Variants in COL6A3 observed in about 807,000 individuals in gnomAD.
COL6A3 encodes collagen type VI alpha 3 chain, also known as collagen alpha-3(VI) chain.
COL6A3 carries 137 observed loss-of-function variants against 274.1 expected under a neutral mutation model. That is an observed-to-expected ratio of 0.50 (90% confidence interval 0.44 to 0.58). COL6A3 has a LOEUF of 0.58. Among genes scored for constraint, COL6A3 ranks in the 20% least tolerant of loss-of-function variants. The pLI is 0.00. For synonymous variants in COL6A3, 1,650 were observed against 1,650.6 expected (o/e 1.00, Z 0.01); for missense variants, 3,950 against 4,124.9 (o/e 0.96, Z 1.16).
At chr2:237,359,947 G>A in intron 17 of COL6A3, 141 bp downstream of exon 17, 1 of 832,046 alleles carries the variant, frequency 1.2e-6, no homozygotes, top group Non-Finnish European at 2.0e-6. Flanking sequence ...GCTCAGAACT[G>A]CCTTCCAATG....
chr2:237,347,065 A>G lies in COL6A3; in HGVS notation c.7030-500T>C, dbSNP rs537402931. On this transcript the variant is annotated intron_variant, in intron 31 of 43. Transcript: ENST00000295550. The stretch of plus-strand genomic sequence containing the variant: ...AACCTTTACACAGATCTAGGCCACA[A>G]TTTGCTAATTGAAGACTCTGCCATT... 3.9e-5 allele frequency among the ~76,000 whole-genome samples: 6 copies of G among 152,158 alleles called. No homozygotes were observed. In the East Asian group the frequency reaches 1.2e-3, roughly 29 times the overall value.
intron 7 of COL6A3, 127 bp from the exon 8 acceptor site, chr2:237,375,147 T>C: frequency 7.2e-7 from 1 of 1,380,722 alleles, no homozygotes; most frequent in Non-Finnish European, 1.0e-6. Flanking sequence ...AGAAAAGGAC[T>C]TTGCAGATGT....
At chr2:237,337,877 A>AC (rs138526518) in intron 39 of COL6A3, among the ~76,000 whole-genome samples, 24,146 of 151,342 alleles carry the variant, frequency 0.16, 2,199 homozygotes, top group African/African-American at 0.25. Flanking sequence ...GCCCACTCCC[A>AC]CCCCTCCCGT....
chr2:237,331,042 C>G (rs1700201142), intron 42 of COL6A3, among the ~76,000 whole-genome samples: 1 of 151,976 alleles, frequency 6.6e-6, no homozygotes, highest in African/African-American at 2.4e-5. Context: ...AGAAAGGGAC[C>G]CATCTCTGTA....
Position 237,347,124 on chromosome 2 carries a change from A to T in COL6A3, c.7030-559T>A, listed in dbSNP as rs552876450. On this transcript the variant is annotated intron_variant, in intron 31 of 43. Coordinates refer to ENST00000295550, the MANE Select transcript of COL6A3 (RefSeq NM_004369.4). ...GTGAGTAAACATCCATTGAAGAATA[A>T]TCTGGCCAGGTGTGGTGTCTCATGC... 3.3e-5 allele frequency among the ~76,000 whole-genome samples: 5 copies of T among 152,186 alleles called. No individual in the cohort carries two copies. In the South Asian group the frequency reaches 1.0e-3, roughly 32 times the overall value.
At chr2:237,366,335 G>A (rs534926349) in intron 11 of COL6A3, among the ~76,000 whole-genome samples, 1 of 152,310 alleles carries the variant, frequency 6.6e-6, no homozygotes, top group East Asian at 1.9e-4. Flanking sequence ...CCAAGTTTGT[G>A]CTTTAAATTA....
At position 237,374,706 on chromosome 2, in the gene COL6A3, T is replaced by C. The variant is rs2077786299; in HGVS notation, c.3385A>G (p.Thr1129Ala). 1 of 1,613,368 alleles carries C rather than the reference T, an allele frequency of 6.2e-7. No homozygotes were observed. Among genetic ancestry groups the C allele is most frequent in the African/African-American group, 1.3e-5 (1 of 74,938 alleles). ...ILVSSAGSRI[T>A]EGVPQLLIVL... ...ATCAGCAGCTGGGGCACACCTTCTG[T>C]TATCCTGCTTCCCGCAGAGCTGACC... is the stretch of plus-strand genomic sequence containing the variant. The change falls in exon 8 of 44, where the codon ACA (threonine) becomes GCA (alanine). Residue 1129 changes from threonine to alanine, a missense_variant. This residue lies in a region of COL6A3 where 1,934 missense variants were observed against 1,984.3 expected (regional missense o/e 0.97). Transcript: ENST00000295550. The surrounding 1 kb of genome is among the most constrained non-coding windows in gnomAD (Gnocchi z 4.8).
At chr2:237,405,547 T>C (rs897870628) in intron 1 of COL6A3, among the ~76,000 whole-genome samples, 7 of 152,084 alleles carry the variant, frequency 4.6e-5, no homozygotes, top group Admixed American at 2.0e-4. Context: ...TAACGTTTCC[T>C]GGGCTTCTGT....
chr2:237,334,976 G>A (rs1448825132), intron 40 of COL6A3, 87 bp from the exon 41 acceptor site: 8 of 1,499,920 alleles, frequency 5.3e-6, no homozygotes, highest in African/African-American at 2.8e-5. Flanking sequence ...TGAAAGGGAT[G>A]TGTTAACAGA....
intron 9 of COL6A3, among the ~76,000 whole-genome samples, chr2:237,370,058 C>T (rs546078699): frequency 6.6e-6 from 1 of 151,526 alleles, no homozygotes; most frequent in Non-Finnish European, 1.5e-5. Flanking sequence ...ATGAGGGTCT[C>T]ACTGTGTTGC....
At chr2:237,328,400 AC>A (rs1281717314) in intron 42 of COL6A3, 1 of 152,184 alleles carries the variant, frequency 6.6e-6, no homozygotes, top group Non-Finnish European at 1.5e-5. Context: ...GGCGCAAGGC[AC>A]CCTAAGCCCC....
At chr2:237,377,907 G>A (rs1320022769) in intron 6 of COL6A3, among the ~76,000 whole-genome samples, 1 of 152,222 alleles carries the variant, frequency 6.6e-6, no homozygotes, top group African/African-American at 2.4e-5. Context: ...CCTTGTCAAT[G>A]CTTCCCAATC....
chr2:237,402,353 T>C (rs1416253850), intron 1 of COL6A3, among the ~76,000 whole-genome samples: 1 of 152,152 alleles, frequency 6.6e-6, no homozygotes, highest in Non-Finnish European at 1.5e-5. Context: ...CACTTAAATA[T>C]AGTCAAGATA....
rs776546169 is a variant in COL6A3 at position 237,334,652 on chromosome 2, G to A, written c.9203C>T (p.Ala3068Val). 6.2e-7 allele frequency: 1 copy of A among 1,613,568 alleles called. No individual in the cohort carries two copies. Among genetic ancestry groups the A allele is most frequent in the Non-Finnish European group, 8.5e-7 (1 of 1,180,012 alleles). ...TGTACTGAAACTTCCGTGGTAGGTG[G>A]CTCTGACCTGAGACCTCAGGTAGCA... Reference protein sequence around the residue: ...VVCYLRSQVRATYHGSFSTKK... With the variant: ...VVCYLRSQVRVTYHGSFSTKK... The change falls in exon 41 of 44, where the codon GCC becomes GTC. Residue 3068 changes from alanine (A) to valine (V), a missense_variant. By Grantham distance (64) the Ala-to-Val change is moderately conservative. Around this residue, in one of 5 missense-constraint regions of COL6A3, gnomAD observed 1,284 missense variants for 1,349.7 expected, o/e 0.95. Transcript: ENST00000295550.
intron 14 of COL6A3, among the ~76,000 whole-genome samples, chr2:237,362,208 G>T (rs1004650613): frequency 2.0e-5 from 3 of 152,178 alleles, no homozygotes; most frequent in Admixed American, 2.0e-4. Context: ...ATGGCAGATG[G>T]CCAAGACTGA....
intron 29 of COL6A3, 67 bp from the exon 30 acceptor site, chr2:237,348,451 T>C (rs2077140762): frequency 3.4e-6 from 5 of 1,449,548 alleles, no homozygotes; most frequent in South Asian, 1.2e-5. Context: ...TAAATTGACC[T>C]TGAAAGAAAG....
At chr2:237,379,877 C>A (rs968911431) in intron 5 of COL6A3, among the ~76,000 whole-genome samples, 1 of 152,158 alleles carries the variant, frequency 6.6e-6, no homozygotes, top group Non-Finnish European at 1.5e-5. Context: ...ATGATGGGAC[C>A]GTAAATACAC....
At chr2:237,375,136 G>C in intron 7 of COL6A3, 116 bp from the exon 8 acceptor site, 1 of 1,479,316 alleles carries the variant, frequency 6.8e-7, no homozygotes, top group Admixed American at 1.8e-5. Context: ...CCCCGAACTT[G>C]AGAAAAGGAC....
chr2:237,324,866 A>G, intron 43 of COL6A3, 52 bp from the exon 44 acceptor site: 1 of 1,597,174 alleles, frequency 6.3e-7, no homozygotes, highest in Non-Finnish European at 8.6e-7. Flanking sequence ...CCGAGAGAAG[A>G]GAGGAAAAGC....
Sources: gnomAD v4.1 joint callset for allele counts (sites outside exome capture counted in the v4.1 genomes callset) on GRCh38, gnomAD v4.1.1 for gene constraint, gnomAD v4.1.1 regional missense constraint, Gnocchi (gnomAD v3.1) non-coding constraint, MANE v1.5 for transcripts, NCBI Gene and HGNC (gene_info 2026-07-23, HGNC 2026-07-21) for gene names.